The following SPEF2 variants were observed in gnomAD, a reference collection of about 807,000 sequenced individuals.
The protein encoded by SPEF2 is sperm flagella and cilia-associated protein 2.
SPEF2 carries 187 observed loss-of-function variants against 224.6 expected under a neutral mutation model. The observed-to-expected ratio is 0.83, with a 90% CI of 0.74 to 0.94. SPEF2 has a LOEUF of 0.94. Ranked by LOEUF, SPEF2 falls within the 40% of genes least tolerant of loss-of-function variation. The pLI, the probability that SPEF2 is intolerant of heterozygous loss-of-function variation, is 0.00. For missense variants in SPEF2, 2,170 were observed against 2,135.6 expected (o/e 1.02, Z -0.32); for synonymous variants, 715 against 707.3 (o/e 1.01, Z -0.17).
chr5:35,651,036 G>T (rs1407189342), intron 6 of SPEF2, among the ~76,000 whole-genome samples: 1 of 152,186 alleles, frequency 6.6e-6, no homozygotes, highest in Admixed American at 6.5e-5. Flanking sequence ...GATGGTTGCT[G>T]GGACTCCGGC....
intron 28 of SPEF2, among the ~76,000 whole-genome samples, chr5:35,775,431 G>T (rs541280449): frequency 1.3e-5 from 2 of 152,244 alleles, no homozygotes; most frequent in Non-Finnish European, 2.9e-5. Flanking sequence ...ATGGCAGAGA[G>T]AGGGGTAAGA....
chr5:35,694,375 A>C lies in SPEF2; in HGVS notation c.1975+12A>C. The C allele has an allele frequency of 6.3e-7, 1 of 1,598,206 alleles. No homozygotes were observed. On this transcript the variant is annotated intron_variant, in intron 13 of 36. Transcript: ENST00000356031. ...TGAAACAATGCTTAGTAAGATCTCA[A>C]AACAAATCATCTATTATTTACATTA... is the stretch of plus-strand genomic sequence containing the variant.
At chr5:35,682,016 T>G (rs996624420) in intron 10 of SPEF2, among the ~76,000 whole-genome samples, 3 of 152,186 alleles carry the variant, frequency 2.0e-5, no homozygotes, top group African/African-American at 7.2e-5. Flanking sequence ...TGGCTACAAC[T>G]ACTTCTGAGG....
intron 8 of SPEF2, among the ~76,000 whole-genome samples, chr5:35,666,658 A>G (rs1750510014): frequency 6.6e-6 from 1 of 152,180 alleles, no homozygotes; most frequent in Non-Finnish European, 1.5e-5. Context: ...GCTATAGCAG[A>G]TGTGTCAAAA....
chr5:35,677,763 C>T (rs541549054), intron 10 of SPEF2, among the ~76,000 whole-genome samples: 2 of 152,272 alleles, frequency 1.3e-5, no homozygotes, highest in South Asian at 2.1e-4. Context: ...TGATTGGTCA[C>T]GGAATTTCAG....
In SPEF2 at chr5:35,727,657, T is replaced by G. The variant is rs1744893549; in HGVS notation, c.2915-18T>G. On this transcript the variant is annotated intron_variant, in intron 20 of 36. Coordinates refer to ENST00000356031, the MANE Select transcript of SPEF2 (RefSeq NM_024867.4). ...ATTCATTTACTTGTATTGGAATAAT[T>G]TGATATGCATGTTTAAGGTTCTCCT... 1.2e-6 allele frequency: 2 copies of G among 1,606,918 alleles called. No individual in the cohort carries two copies. Among genetic ancestry groups the G allele is most frequent in the Non-Finnish European group, 1.7e-6 (2 of 1,175,150 alleles).
chr5:35,696,460 G>T (rs542825025), intron 14 of SPEF2, among the ~76,000 whole-genome samples: 1 of 152,218 alleles, frequency 6.6e-6, no homozygotes, highest in East Asian at 1.9e-4. Context: ...AGGAAAAGGG[G>T]ACTTACAATT....
intron 2 of SPEF2, among the ~76,000 whole-genome samples, chr5:35,639,401 T>C (rs1017484415): frequency 3.3e-5 from 5 of 152,154 alleles, no homozygotes; most frequent in African/African-American, 1.2e-4. Flanking sequence ...TTTGTAATGG[T>C]ATATTTGGTA....
At chr5:35,723,015 G>C (rs1744023558) in intron 20 of SPEF2, among the ~76,000 whole-genome samples, 1 of 151,948 alleles carries the variant, frequency 6.6e-6, no homozygotes, top group Non-Finnish European at 1.5e-5. Flanking sequence ...GGTTTTATTG[G>C]GTTAAAACGG....
chr5:35,770,794 T>C (rs1752725796), intron 26 of SPEF2, among the ~76,000 whole-genome samples: 1 of 152,110 alleles, frequency 6.6e-6, no homozygotes, highest in Non-Finnish European at 1.5e-5. Context: ...ATTCAGCACT[T>C]AGAATGAGGT....
chr5:35,689,046 T>C (rs927737662), intron 10 of SPEF2, among the ~76,000 whole-genome samples: 2 of 152,204 alleles, frequency 1.3e-5, no homozygotes, highest in African/African-American at 4.8e-5. Context: ...GAAAGCTTTC[T>C]ATCTTCTTCT....
chr5:35,669,916 T>C lies in SPEF2; in HGVS notation c.1356-143T>C. Reference sequence around the variant, plus strand: ...ATTAGTCTTATTGTCATTGCACATATGGTAACCTTTAAGATCATTTTTCAG... The same window carrying C: ...ATTAGTCTTATTGTCATTGCACATACGGTAACCTTTAAGATCATTTTTCAG... On this transcript the variant is annotated intron_variant, in intron 9 of 36. Transcript: ENST00000356031. 3 of 635,092 alleles carry C rather than the reference T, an allele frequency of 4.7e-6. No individual in the cohort carries two copies. The South Asian group carries it at 7.0e-5, about 15-fold the overall frequency. 39.3% of individuals were successfully genotyped at this position (635,092 alleles called of 1,614,324 possible). A position where few individuals can be genotyped will look rare whatever the true frequency, so the allele number is the denominator to read the frequency against.
At chr5:35,717,475 G>A (rs556748551) in intron 20 of SPEF2, among the ~76,000 whole-genome samples, 163 of 152,304 alleles carry the variant, frequency 1.1e-3, no homozygotes, top group African/African-American at 3.7e-3. Flanking sequence ...TAGTATCAAT[G>A]TTATAAGCAT....
intron 16 of SPEF2, 96 bp from the exon 17 acceptor site, chr5:35,704,458 A>AC (rs1739337238): frequency 1.4e-6 from 1 of 696,676 alleles, no homozygotes; most frequent in East Asian, 2.7e-5. Context: ...CAAATACAGG[A>AC]CCGTATCTGT....
chr5:35,802,066 G>GC (rs1257669528), intron 34 of SPEF2, among the ~76,000 whole-genome samples: 19 of 145,314 alleles, frequency 1.3e-4, no homozygotes, highest in African/African-American at 4.3e-4. Context: ...AATGAATGAT[G>GC]CCCCAAACAG....
chr5:35,654,187 G>A (rs527699962), intron 6 of SPEF2, among the ~76,000 whole-genome samples: 4 of 151,306 alleles, frequency 2.6e-5, no homozygotes, highest in Non-Finnish European at 5.9e-5. Context: ...TTGAACCCAG[G>A]AGGCGGAGGT....
At chr5:35,786,995 T>A (rs533018710) in intron 30 of SPEF2, among the ~76,000 whole-genome samples, 1 of 152,332 alleles carries the variant, frequency 6.6e-6, no homozygotes, top group Admixed American at 6.5e-5. Flanking sequence ...CATAATCTAA[T>A]GATTAGTAGC....
At chr5:35,665,124 A>G (rs1274529777) in intron 8 of SPEF2, among the ~76,000 whole-genome samples, 1 of 152,116 alleles carries the variant, frequency 6.6e-6, no homozygotes, top group Non-Finnish European at 1.5e-5. Flanking sequence ...AACGACCATA[A>G]GTGGATGCCA....
At chr5:35,756,758 A>T (rs948042837) in intron 24 of SPEF2, among the ~76,000 whole-genome samples, 1 of 152,214 alleles carries the variant, frequency 6.6e-6, no homozygotes, top group African/African-American at 2.4e-5. Context: ...TGACTTTGGG[A>T]AGTGCTATCT....
Sources: allele counts gnomAD v4.1 joint callset (sites outside exome capture counted in the v4.1 genomes callset), GRCh38; gene constraint gnomAD v4.1.1; transcripts MANE v1.5; gene names NCBI Gene and HGNC (gene_info 2026-07-23, HGNC 2026-07-21).